The following TENM2 variants were observed in gnomAD, a reference collection of about 807,000 sequenced individuals.
The protein encoded by TENM2 is teneurin transmembrane protein 2.
Under a neutral mutation model 245.2 loss-of-function variants are expected in TENM2, and 52 were observed. The observed-to-expected ratio is 0.21, with a 90% CI of 0.17 to 0.27. TENM2 has a LOEUF of 0.27. TENM2 is among the 10% of genes least tolerant of loss of function. The pLI is 1.00. For synonymous variants in TENM2, 1,363 were observed against 1,438.9 expected, an observed-to-expected ratio of 0.95 and a Z score of 1.19; for missense variants, 3,046 against 3,666.8, an observed-to-expected ratio of 0.83 and a Z score of 4.37.
At chr5:167,627,168 C>T (rs907744601) in intron 2 of TENM2, among the ~76,000 whole-genome samples, 1 of 152,090 alleles carries the variant, frequency 6.6e-6, no homozygotes, top group Non-Finnish European at 1.5e-5. Context: ...AAGTTTAAAC[C>T]ACTCTAATGA....
chr5:167,091,999 G>A, the TENM2 span, among the ~76,000 whole-genome samples: 1 of 152,158 alleles, frequency 6.6e-6, no homozygotes, highest in Admixed American at 6.5e-5. Context: ...TTAACAGCAG[G>A]TTCTGGTGGT....
chr5:167,419,012 A>G (rs1763331388), intron 2 of TENM2, among the ~76,000 whole-genome samples: 1 of 152,164 alleles, frequency 6.6e-6, no homozygotes, highest in Non-Finnish European at 1.5e-5. Flanking sequence ...TAAAGTATAT[A>G]ACTATACTAA....
chr5:167,627,121 T>C (rs1430175506), intron 2 of TENM2, among the ~76,000 whole-genome samples: 1 of 152,224 alleles, frequency 6.6e-6, no homozygotes, highest in Non-Finnish European at 1.5e-5. Context: ...ATTTGTGGAA[T>C]GGAGGGGAGG....
At chr5:167,723,522 C>G (rs765373703) in intron 2 of TENM2, among the ~76,000 whole-genome samples, 40 of 152,188 alleles carry the variant, frequency 2.6e-4, no homozygotes, top group Non-Finnish European at 5.1e-4. Flanking sequence ...ACTCGAGATA[C>G]AAGCCAAGGC....
chr5:167,992,986 C>G, exon 5 of TENM2: 1 of 1,613,984 alleles, frequency 6.2e-7, no homozygotes, highest in South Asian at 1.1e-5. Flanking sequence ...CACCCTTGTT[C>G]AGCAGCTCTT....
chr5:167,611,380 A>G (rs1044127415), intron 2 of TENM2, among the ~76,000 whole-genome samples: 4 of 152,062 alleles, frequency 2.6e-5, no homozygotes, highest in Non-Finnish European at 4.4e-5. Context: ...CCTAGAATAT[A>G]CAGTCCTGCT....
In TENM2 at chr5:167,960,897, G is replaced by A. The variant is rs139122344; in HGVS notation, c.947+8075G>A. On this transcript the variant is annotated intron_variant, in intron 4 of 28. Coordinates refer to ENST00000518659, the Ensembl canonical transcript of TENM2. ...GTGGGAAAAGCACAGTATCTGGGCC[G>A]GAATGCACCATTCCTCACAGCACAG... Among the ~76,000 whole-genome samples, 371 of 152,292 alleles carry A rather than the reference G, an allele frequency of 2.4e-3. 4 individuals are homozygous for A. The highest frequency in any genetic ancestry group is 8.3e-3 in the African/African-American group (345 of 41,570).
intron 2 of TENM2, among the ~76,000 whole-genome samples, chr5:167,545,912 C>T (rs1343710386): frequency 3.9e-5 from 6 of 152,178 alleles, no homozygotes; most frequent in South Asian, 2.1e-4. Flanking sequence ...AAGGAACAAA[C>T]TTGGCAGCAT....
chr5:168,180,110 A>G lies in TENM2; in HGVS notation c.2570-10227A>G, dbSNP rs10213825. Among the ~76,000 whole-genome samples the G allele has an allele frequency of 7.5e-3, 1,149 of 152,310 alleles. 15 individuals carry two copies. Among genetic ancestry groups the G allele is most frequent in the African/African-American group, 0.026 (1,094 of 41,572 alleles). On this transcript the variant is annotated intron_variant, in intron 13 of 28. Coordinates refer to ENST00000518659, the Ensembl canonical transcript of TENM2. ...CCTGCACTTTATAGGAAGTCAATCAAGGATGAGACTGCCACTTGTGACTAT... is the reference window on the plus strand; with the variant it reads ...CCTGCACTTTATAGGAAGTCAATCAGGGATGAGACTGCCACTTGTGACTAT...
At chr5:167,247,761 C>A in the TENM2 span, among the ~76,000 whole-genome samples, 5 of 151,990 alleles carry the variant, frequency 3.3e-5, no homozygotes, top group Non-Finnish European at 5.9e-5. Context: ...TTGAATCTAG[C>A]TTTTTTAATA....
intron 23 of TENM2, among the ~76,000 whole-genome samples, chr5:168,224,765 C>G (rs1411132283): frequency 6.6e-6 from 1 of 152,160 alleles, no homozygotes. Context: ...TTTTACCCTC[C>G]AAGCAAAATG....
intron 23 of TENM2, among the ~76,000 whole-genome samples, chr5:168,222,629 A>G (rs986907953): frequency 3.3e-5 from 5 of 152,206 alleles, no homozygotes; most frequent in Admixed American, 6.5e-5. Flanking sequence ...TGGAAACCCT[A>G]TCATGCCTGC....
chr5:167,606,195 C>T (rs1168378050), intron 2 of TENM2, among the ~76,000 whole-genome samples: 1 of 152,090 alleles, frequency 6.6e-6, no homozygotes, highest in Non-Finnish European at 1.5e-5. Flanking sequence ...AGGAGGAAAA[C>T]TGCAATCTAA....
chr5:167,447,610 A>C (rs1219945777), intron 2 of TENM2, among the ~76,000 whole-genome samples: 2 of 152,200 alleles, frequency 1.3e-5, no homozygotes, highest in Non-Finnish European at 2.9e-5. Context: ...GTGCTTTGCA[A>C]ACCTGAAGAG....
intron 20 of TENM2, 62 bp from the exon 23 acceptor site, chr5:168,214,978 T>C: frequency 7.0e-7 from 1 of 1,436,954 alleles, no homozygotes; most frequent in Non-Finnish European, 9.8e-7. Context: ...GTCATTCCTT[T>C]GATCTAGGAG....
chr5:167,797,124 A>T (rs930896319), intron 2 of TENM2, among the ~76,000 whole-genome samples: 1 of 152,118 alleles, frequency 6.6e-6, no homozygotes, highest in African/African-American at 2.4e-5. Context: ...ATTGACAGTC[A>T]TTTGACCATT....
intron 2 of TENM2, among the ~76,000 whole-genome samples, chr5:167,695,763 G>A (rs1383331847): frequency 1.3e-5 from 2 of 151,386 alleles, no homozygotes; most frequent in Non-Finnish European, 2.9e-5. Context: ...GGCTGGGTGC[G>A]GTGGCTCACG....
chr5:168,243,409 G>A (rs1766278137), intron 25 of TENM2, among the ~76,000 whole-genome samples: 1 of 152,154 alleles, frequency 6.6e-6, no homozygotes, highest in South Asian at 2.1e-4. Context: ...TAGCCCTGCT[G>A]AGGCCTCCCC....
chr5:168,200,601 G>A (rs1761854982), intron 17 of TENM2, among the ~76,000 whole-genome samples: 1 of 152,160 alleles, frequency 6.6e-6, no homozygotes, highest in Non-Finnish European at 1.5e-5. Flanking sequence ...GGAGAGAGGT[G>A]GTCAGGGGCT....
Sources: allele counts gnomAD v4.1 joint callset (sites outside exome capture counted in the v4.1 genomes callset), GRCh38; gene constraint gnomAD v4.1.1; transcripts MANE v1.5; gene names NCBI Gene and HGNC (gene_info 2026-07-23, HGNC 2026-07-21).